The following EIF3D variants were observed in gnomAD, a reference collection of about 807,000 sequenced individuals.
The protein encoded by EIF3D is eIF3 p66.
A neutral mutation model predicts 75.4 loss-of-function variants in EIF3D; 10 were observed. The ratio of observed to expected loss-of-function variants is 0.13; its 90% CI spans 0.08 to 0.22. The LOEUF (loss-of-function observed/expected upper bound fraction) is 0.22. Among genes scored for constraint, EIF3D ranks in the 10% least tolerant of loss-of-function variants. EIF3D has a pLI of 1.00. For synonymous variants in EIF3D, 246 were observed against 248.3 expected (o/e 0.99, Z 0.09); for missense variants, 394 against 708.0 (o/e 0.56, Z 5.03).
chr22:36,518,711 A>G lies in EIF3D; in HGVS notation c.859+52T>C, dbSNP rs964489434. 13 of 1,605,336 alleles carry G rather than the reference A, an allele frequency of 8.1e-6. No individual in the cohort carries two copies. The East Asian group carries it at 2.0e-4, about 25-fold the overall frequency. On this transcript the variant is annotated intron_variant, in intron 9 of 14. Transcript: ENST00000216190. Reference sequence around the variant, plus strand: ...CTCTAGTACCAGAGACTTGTTCTGTACCAACAAAAATACTCAATGCCTTTG... The same window carrying G: ...CTCTAGTACCAGAGACTTGTTCTGTGCCAACAAAAATACTCAATGCCTTTG...
chr22:36,520,267 G>A (rs1404030816), intron 7 of EIF3D, among the ~76,000 whole-genome samples: 3 of 151,526 alleles, frequency 2.0e-5, no homozygotes, highest in Admixed American at 1.3e-4. Context: ...AGTGATTCTC[G>A]TGCCTCAGCC....
Position 36,523,909 on chromosome 22 carries a change from G to A in EIF3D, c.378C>T (p.Ala126=). ...GAAAATCTCACCTCTCTTTCTGTTT[G>A]GCACTCTTAGGCAGGATCTGCAGGT... ...QFNLQILPKS[A]KQKERERIRL... Residue 126 remains alanine, a synonymous_variant, in exon 5 of 15, where the codon GCC becomes GCT. Transcript: ENST00000216190. The A allele has an allele frequency of 1.1e-5, 18 of 1,614,024 alleles. No individual in the cohort carries two copies. Among genetic ancestry groups the A allele is most frequent in the Non-Finnish European group, 1.5e-5 (18 of 1,179,968 alleles).
chr22:36,523,104 C>T (rs1226500766), intron 6 of EIF3D, 105 bp downstream of exon 6: 2 of 964,022 alleles, frequency 2.1e-6, no homozygotes, highest in Admixed American at 1.8e-5. Context: ...TTAAAAACCA[C>T]TAAATTGTAC....
intron 1 of EIF3D, 21 bp downstream of exon 1, chr22:36,529,055 C>T: frequency 2.6e-6 from 1 of 384,854 alleles, no homozygotes. Flanking sequence ...GCCGCAGGAA[C>T]CTATGAAACA....
chr22:36,518,446 G>A (rs527678849), intron 9 of EIF3D, among the ~76,000 whole-genome samples: 4 of 151,234 alleles, frequency 2.6e-5, no homozygotes, highest in South Asian at 2.1e-4. Flanking sequence ...CCAAGACTGC[G>A]CCACTGCACT....
intron 12 of EIF3D, 74 bp downstream of exon 12, chr22:36,516,404 T>C: frequency 6.5e-7 from 1 of 1,537,144 alleles, no homozygotes; most frequent in Non-Finnish European, 8.9e-7. Flanking sequence ...TTATACAACC[T>C]AGCCTGCGTA....
intron 10 of EIF3D, 123 bp from the exon 11 acceptor site, chr22:36,516,913 G>T: frequency 2.3e-6 from 2 of 857,620 alleles, no homozygotes; most frequent in Non-Finnish European, 3.9e-6. Flanking sequence ...CCTTGATGGG[G>T]CTCTGAGCTC....
Position 36,516,973 on chromosome 22 carries a change from G to A in EIF3D, c.991-183C>T. ...CCCCTCCCAACTGTTAGCACCTGAT[G>A]AATTAGAACAATGACTTAGTAACCA... On this transcript the variant is annotated intron_variant, in intron 10 of 14. Coordinates refer to ENST00000216190, the MANE Select transcript of EIF3D (RefSeq NM_003753.4). 3 of 632,436 alleles carry A rather than the reference G, an allele frequency of 4.7e-6. No homozygotes were observed. In the East Asian group the frequency reaches 8.2e-5, roughly 17 times the overall value. The allele number at this position is 632,436 out of a possible 1,614,324, so 39.2% of individuals were successfully genotyped here.
rs1934340998 is a variant in EIF3D at position 36,511,771 on chromosome 22, G to A, written c.1365C>T (p.Tyr455=). 4 of 1,612,644 alleles carry A rather than the reference G, an allele frequency of 2.5e-6. No individual in the cohort carries two copies. Among genetic ancestry groups the A allele is most frequent in the Admixed American group, 1.7e-5 (1 of 59,956 alleles). Residue 455 remains tyrosine, a synonymous_variant, in exon 14 of 15, where the codon TAC becomes TAT. Transcript: ENST00000216190. ...EYLKLGYVSR[Y]HVKDSSRHVI... is the part of the protein sequence containing the mutation. The stretch of plus-strand genomic sequence containing the variant: ...CGTGGCGTGAGGAGTCTTTCACGTG[G>A]TACCGAGACACATAACTAACAGGGG...
At chr22:36,511,893 T>C (rs1934343687) in intron 13 of EIF3D, 107 bp from the exon 14 acceptor site, 2 of 1,405,610 alleles carry the variant, frequency 1.4e-6, no homozygotes, top group East Asian at 5.0e-5. Flanking sequence ...TGCTATTTTT[T>C]CTTTTTTTTT....
chr22:36,516,918 G>C, intron 10 of EIF3D, 128 bp from the exon 11 acceptor site: 1 of 818,028 alleles, frequency 1.2e-6, no homozygotes. Flanking sequence ...ATGGGGCTCT[G>C]AGCTCGCTGC....
intron 12 of EIF3D, 138 bp downstream of exon 12, chr22:36,516,339 AC>A: frequency 9.3e-7 from 1 of 1,070,458 alleles, no homozygotes; most frequent in Non-Finnish European, 1.3e-6. Context: ...AACTCACAAG[AC>A]AAAAAAAAAC....
At chr22:36,518,638 A>C in intron 9 of EIF3D, 125 bp downstream of exon 9, 1 of 1,239,998 alleles carries the variant, frequency 8.1e-7, no homozygotes, top group Non-Finnish European at 1.1e-6. Context: ...AGATTCAGAC[A>C]CTGCTGCTGT....
At chr22:36,528,522 T>C (rs1934642883) in intron 1 of EIF3D, among the ~76,000 whole-genome samples, 1 of 145,186 alleles carries the variant, frequency 6.9e-6, no homozygotes, top group Admixed American at 7.0e-5. Flanking sequence ...ATAGGGAGGT[T>C]CCAAGAGGGC....
chr22:36,520,354 C>T (rs1037216168), intron 7 of EIF3D, among the ~76,000 whole-genome samples: 2 of 152,166 alleles, frequency 1.3e-5, no homozygotes, highest in African/African-American at 4.8e-5. Context: ...GACTGGGTTT[C>T]ACCATGTTGG....
At chr22:36,516,363 C>G in intron 12 of EIF3D, 115 bp downstream of exon 12, 1 of 1,319,496 alleles carries the variant, frequency 7.6e-7, no homozygotes, top group African/African-American at 1.5e-5. Flanking sequence ...CCAGGTAGCT[C>G]TATAAGTAAC....
rs1198513189 is a variant in EIF3D at position 36,511,590 on chromosome 22, C to T, written c.1546G>A (p.Val516Ile). ...TCAGGGAGGCTGTAGACACGGATGA[C>T]CTGCTTGTTGGGGTCCTTGAGGATG... is the stretch of plus-strand genomic sequence containing the variant. The part of the protein sequence containing the change: ...YLILKDPNKQ[V>I]IRVYSLPDGT... Residue 516 changes from valine to isoleucine, a missense_variant, in exon 14 of 15, where the codon GTC becomes ATC. Physicochemically the swap from Val to Ile is conservative, Grantham distance 29. Transcript: ENST00000216190. 1 of 1,613,970 alleles carries T rather than the reference C, an allele frequency of 6.2e-7. No individual in the cohort carries two copies. The highest frequency in any genetic ancestry group is 1.3e-5 in the African/African-American group (1 of 74,912).
Position 36,526,659 on chromosome 22 carries a change from G to A in EIF3D, c.-10-528C>T, listed in dbSNP as rs568535988. Among the ~76,000 whole-genome samples the A allele has an allele frequency of 1.4e-4, 21 of 151,058 alleles. No homozygotes were observed. In the East Asian group the frequency reaches 3.7e-3, roughly 26 times the overall value. ...GTCTCACTTTGTCACCCATGCTGGGGTGCAGTGGCGTGCAACTTCCGCCTT... is the reference window on the plus strand; with the variant it reads ...GTCTCACTTTGTCACCCATGCTGGGATGCAGTGGCGTGCAACTTCCGCCTT... On this transcript the variant is annotated intron_variant, in intron 1 of 14. Transcript: ENST00000216190.
chr22:36,525,931 T>C (rs374354930), intron 2 of EIF3D, 68 bp downstream of exon 2: 28 of 1,543,844 alleles, frequency 1.8e-5, no homozygotes, highest in Middle Eastern at 3.5e-4. Flanking sequence ...GACAATAAAA[T>C]CTAAACAGGG....
Sources: gnomAD v4.1 joint callset for allele counts (sites outside exome capture counted in the v4.1 genomes callset) on GRCh38, gnomAD v4.1.1 for gene constraint, MANE v1.5 for transcripts, NCBI Gene and HGNC (gene_info 2026-07-23, HGNC 2026-07-21) for gene names.